Variants in CDK17 observed in about 807,000 individuals in gnomAD.
CDK17 encodes the protein cyclin-dependent kinase 17.
CDK17 carries 24 observed loss-of-function variants against 77.6 expected under a neutral mutation model. The observed-to-expected ratio is 0.31, with a 90% CI of 0.22 to 0.44. The LOEUF is 0.44. Among genes scored for constraint, CDK17 ranks in the 20% least tolerant of loss-of-function variants. The pLI is 1.00. For synonymous variants in CDK17, 203 were observed against 210.4 expected (o/e 0.96, Z 0.30); for missense variants, 429 against 622.5 (o/e 0.69, Z 3.31).
At position 96,280,218 on chromosome 12, in the gene CDK17, G is replaced by A; in HGVS notation, c.*24C>T. 6.5e-7 allele frequency: 1 copy of A among 1,548,748 alleles called. No individual in the cohort carries two copies. Among genetic ancestry groups the A allele is most frequent in the Non-Finnish European group, 8.7e-7 (1 of 1,145,534 alleles). Reference sequence around the variant, plus strand: ...TGATTGGTAAGAAAGGCTGGGGGCTGGGCTTGAAACCATGTTATCAGACTT... The same window carrying A: ...TGATTGGTAAGAAAGGCTGGGGGCTAGGCTTGAAACCATGTTATCAGACTT... On this transcript the variant is annotated 3_prime_UTR_variant, in exon 17 of 17. Coordinates refer to ENST00000261211, the MANE Select transcript of CDK17 (RefSeq NM_002595.5).
chr12:96,385,078 C>G (rs1953951098), intron 1 of CDK17, among the ~76,000 whole-genome samples: 1 of 150,434 alleles, frequency 6.6e-6, no homozygotes, highest in African/African-American at 2.5e-5. Context: ...CTTTGGGAGG[C>G]CTAGGCGGGC....
chr12:96,305,758 G>T (rs764760243), intron 5 of CDK17, among the ~76,000 whole-genome samples: 1 of 152,014 alleles, frequency 6.6e-6, no homozygotes, highest in Non-Finnish European at 1.5e-5. Context: ...TTGCTCTGTC[G>T]ACAAGGCTGG....
chr12:96,386,655 C>T (rs1283819858), intron 1 of CDK17, among the ~76,000 whole-genome samples: 2 of 152,014 alleles, frequency 1.3e-5, no homozygotes, highest in Non-Finnish European at 2.9e-5. Context: ...GAGGCCTTGT[C>T]TCAAAATGAA....
chr12:96,283,987 A>G (rs1952211013), intron 13 of CDK17, among the ~76,000 whole-genome samples: 1 of 152,218 alleles, frequency 6.6e-6, no homozygotes, highest in Non-Finnish European at 1.5e-5. Flanking sequence ...CACTAAACGC[A>G]AGTATATAAG....
At chr12:96,310,680 C>T (rs961755191) in intron 5 of CDK17, among the ~76,000 whole-genome samples, 6 of 150,176 alleles carry the variant, frequency 4.0e-5, no homozygotes, top group African/African-American at 1.2e-4. Flanking sequence ...TTCAAAGGTT[C>T]GTTGAGCTGT....
chr12:96,306,173 A>G (rs940458350), intron 5 of CDK17, among the ~76,000 whole-genome samples: 1 of 152,190 alleles, frequency 6.6e-6, no homozygotes, highest in African/African-American at 2.4e-5. Context: ...ATTCAGCCCT[A>G]CTGTATAACT....
intron 1 of CDK17, among the ~76,000 whole-genome samples, chr12:96,351,520 C>T (rs1953313312): frequency 6.6e-6 from 1 of 152,122 alleles, no homozygotes; most frequent in African/African-American, 2.4e-5. Context: ...GAACATTATG[C>T]TAAGGGAACT....
chr12:96,304,836 C>T (rs1338796134), intron 5 of CDK17, among the ~76,000 whole-genome samples: 1 of 148,208 alleles, frequency 6.7e-6, no homozygotes, highest in Non-Finnish European at 1.5e-5. Flanking sequence ...TTTCTAATTG[C>T]TGAGAGATGT....
chr12:96,293,307 G>C (rs2137075914), intron 10 of CDK17, among the ~76,000 whole-genome samples: 1 of 152,026 alleles, frequency 6.6e-6, no homozygotes, highest in Non-Finnish European at 1.5e-5. Context: ...ATAAGTGCTG[G>C]GATTACACCC....
Position 96,286,105 on chromosome 12 carries a change from C to T in CDK17, c.1260G>A (p.Glu420=). ...TTGGAAAGTTGTAGTTCTTGAACTC[C>T]TCATTTGAAGAAATACCTGGCCAAG... ...QETWPGISSN[E]EFKNYNFPKY... Residue 420 remains glutamate, a synonymous_variant, in exon 13 of 17, where the codon GAG becomes GAA. Coordinates refer to ENST00000261211, the MANE Select transcript of CDK17 (RefSeq NM_002595.5). 1 of 1,492,290 alleles carries T rather than the reference C, an allele frequency of 6.7e-7. No individual in the cohort carries two copies. The highest frequency in any genetic ancestry group is 9.0e-7 in the Non-Finnish European group (1 of 1,114,510). The allele number at this position is 1,492,290 out of a possible 1,614,324, so 92.4% of individuals were successfully genotyped here.
intron 11 of CDK17, among the ~76,000 whole-genome samples, chr12:96,288,354 A>G (rs1952273799): frequency 6.6e-6 from 1 of 152,158 alleles, no homozygotes. Context: ...CAGAGGCTAG[A>G]GTATATTCAG....
chr12:96,347,893 G>A (rs982366421), intron 1 of CDK17, among the ~76,000 whole-genome samples: 1 of 151,936 alleles, frequency 6.6e-6, no homozygotes, highest in Non-Finnish European at 1.5e-5. Flanking sequence ...AGAAACAGAA[G>A]GAAAACCGGA....
chr12:96,324,629 T>C (rs540143622), intron 2 of CDK17, among the ~76,000 whole-genome samples: 61 of 152,112 alleles, frequency 4.0e-4, no homozygotes, highest in Non-Finnish European at 6.2e-4. Context: ...TAGCTGGGCA[T>C]GGTGGCATGC....
intron 1 of CDK17, among the ~76,000 whole-genome samples, chr12:96,356,822 T>C (rs1953401197): frequency 6.6e-6 from 1 of 152,256 alleles, no homozygotes; most frequent in South Asian, 2.1e-4. Context: ...CTGAAACTTA[T>C]TTTCATTATT....
chr12:96,391,270 G>GT (rs1954062884), intron 1 of CDK17, among the ~76,000 whole-genome samples: 1 of 148,780 alleles, frequency 6.7e-6, no homozygotes, highest in Admixed American at 6.9e-5. Flanking sequence ...GGGGCGGGGG[G>GT]TTGTTTTGTT....
Position 96,374,499 on chromosome 12 carries a change from G to A in CDK17, c.-30+25487C>T, listed in dbSNP as rs1162502751. 3.3e-5 allele frequency among the ~76,000 whole-genome samples: 5 copies of A among 152,080 alleles called. No individual in the cohort carries two copies. In the East Asian group the frequency reaches 5.8e-4, roughly 18 times the overall value. ...TTATTTGTAGCTTCTATTCCCTTAA[G>A]GTGTTTTGCTCAGGCCTCTTAACTT... On this transcript the variant is annotated intron_variant, in intron 1 of 16. Coordinates refer to ENST00000261211, the MANE Select transcript of CDK17 (RefSeq NM_002595.5).
At chr12:96,382,795 G>A (rs568849081) in intron 1 of CDK17, among the ~76,000 whole-genome samples, 4 of 152,008 alleles carry the variant, frequency 2.6e-5, no homozygotes, top group East Asian at 3.9e-4. Flanking sequence ...AAAAGCTTTC[G>A]ATAAAACCCA....
chr12:96,364,052 A>G (rs897487413), intron 1 of CDK17, among the ~76,000 whole-genome samples: 3 of 152,236 alleles, frequency 2.0e-5, no homozygotes, highest in South Asian at 2.1e-4. Context: ...TTTACTTGGC[A>G]TAAGAATTCT....
At chr12:96,318,268 A>G (rs1952761542) in intron 3 of CDK17, among the ~76,000 whole-genome samples, 1 of 151,974 alleles carries the variant, frequency 6.6e-6, no homozygotes, top group African/African-American at 2.4e-5. Context: ...ATATATATGC[A>G]CCCAATACAG....
Sources: allele counts gnomAD v4.1 joint callset (sites outside exome capture counted in the v4.1 genomes callset), GRCh38; gene constraint gnomAD v4.1.1; transcripts MANE v1.5; gene names NCBI Gene and HGNC (gene_info 2026-07-23, HGNC 2026-07-21).